Variants in SMPD3 observed in about 807,000 individuals in gnomAD.
The protein encoded by SMPD3 is nSMase-2.
A neutral mutation model predicts 55.7 loss-of-function variants in SMPD3; 21 were observed. The observed-to-expected ratio is 0.38, with a 90% CI of 0.27 to 0.54. SMPD3 has a LOEUF of 0.54. Ranked by LOEUF, SMPD3 falls within the 20% of genes least tolerant of loss-of-function variation. The pLI is 0.80. For missense variants in SMPD3, 842 were observed against 899.6 expected, an observed-to-expected ratio of 0.94 and a Z score of 0.82; for synonymous variants, 457 against 404.3, an observed-to-expected ratio of 1.13 and a Z score of -1.56.
At chr16:68,378,964 C>A (rs555856528) in intron 2 of SMPD3, among the ~76,000 whole-genome samples, 13 of 152,358 alleles carry the variant, frequency 8.5e-5, no homozygotes, top group African/African-American at 2.9e-4. Context: ...GCACCCAAAG[C>A]CAGCACAACC....
chr16:68,370,618 C>CA (rs5817634), intron 3 of SMPD3, among the ~76,000 whole-genome samples: 118,659 of 152,008 alleles, frequency 0.78, 47,204 homozygotes, highest in African/African-American at 0.94. Context: ...GGAACGGGCC[C>CA]AGATCACCCA....
At chr16:68,381,361 G>A (rs573446491) in intron 2 of SMPD3, among the ~76,000 whole-genome samples, 69 of 152,170 alleles carry the variant, frequency 4.5e-4, no homozygotes, top group Non-Finnish European at 7.9e-4. Flanking sequence ...CCCAACCAAG[G>A]GCTGCTGTAC....
At chr16:68,366,603 C>T (rs1317663818) in intron 3 of SMPD3, among the ~76,000 whole-genome samples, 4 of 152,268 alleles carry the variant, frequency 2.6e-5, no homozygotes, top group African/African-American at 9.6e-5. Flanking sequence ...CGGTGGCTCA[C>T]GCCTGTAATC....
intron 3 of SMPD3, chr16:68,369,535 A>G (rs959443735): frequency 6.6e-6 from 1 of 152,030 alleles, no homozygotes; most frequent in Non-Finnish European, 1.5e-5. Flanking sequence ...ACATCCTCCC[A>G]CCCTGGACCT....
intron 1 of SMPD3, among the ~76,000 whole-genome samples, chr16:68,412,267 T>C (rs2090307835): frequency 6.6e-6 from 1 of 152,200 alleles, no homozygotes; most frequent in South Asian, 2.1e-4. Flanking sequence ...GCCCAAGCCC[T>C]GTGCCAACAC....
In SMPD3 at chr16:68,404,319, C is replaced by T. The variant is rs997452008; in HGVS notation, c.-268-17660G>A. On this transcript the variant is annotated intron_variant, in intron 1 of 8. Transcript: ENST00000219334. The surrounding 1 kb of genome is among the most constrained non-coding windows in gnomAD (Gnocchi z 4.0). ...TTCTCCATGTCGGTCAGGCTGGTCT[C>T]GAACTCCCGACCTCAGGTGATCTGC... 3.3e-5 allele frequency among the ~76,000 whole-genome samples: 5 copies of T among 151,944 alleles called. No homozygotes were observed. The highest frequency in any genetic ancestry group is 3.4e-3 in the Middle Eastern group (1 of 292).
At chr16:68,394,081 A>C (rs1408079961) in intron 1 of SMPD3, among the ~76,000 whole-genome samples, 1 of 152,180 alleles carries the variant, frequency 6.6e-6, no homozygotes, top group African/African-American at 2.4e-5. Flanking sequence ...TTTCCCACAG[A>C]GTTGAATTTG....
At chr16:68,411,150 G>C (rs767652670) in intron 1 of SMPD3, among the ~76,000 whole-genome samples, 1 of 152,262 alleles carries the variant, frequency 6.6e-6, no homozygotes, top group Non-Finnish European at 1.5e-5. Context: ...GGCAAAGCAG[G>C]CCGGGGTCAG....
chr16:68,438,792 T>C (rs536633275), intron 1 of SMPD3, among the ~76,000 whole-genome samples: 1 of 152,132 alleles, frequency 6.6e-6, no homozygotes, highest in Admixed American at 6.5e-5. Context: ...CAAATCACCC[T>C]CCCTCCTTCA....
chr16:68,394,292 A>G (rs1425601526), intron 1 of SMPD3, among the ~76,000 whole-genome samples: 1 of 151,898 alleles, frequency 6.6e-6, no homozygotes, highest in Non-Finnish European at 1.5e-5. Context: ...CTTTGTCTAC[A>G]TTTTAGGTTT....
At chr16:68,369,105 T>C (rs1311307737) in intron 3 of SMPD3, 1 of 151,350 alleles carries the variant, frequency 6.6e-6, no homozygotes, top group Non-Finnish European at 1.5e-5. Flanking sequence ...TAATCCCAGC[T>C]ACTTGGGAGG....
rs1378978537 is a variant in SMPD3 at position 68,371,417 on chromosome 16, T to C, written c.765A>G (p.Pro255=). Residue 255 remains proline, a synonymous_variant, in exon 3 of 9, where the codon CCA becomes CCG. Transcript: ENST00000219334. ...CAGGCACAGGGTCGTCAGCTTCAGGTGGCCGGCCGCCCTCCTCGCCACCGA... is the reference window on the plus strand; with the variant it reads ...CAGGCACAGGGTCGTCAGCTTCAGGCGGCCGGCCGCCCTCCTCGCCACCGA... ...VRIGGEEGGR[P]PEADDPVPGG... The C allele has an allele frequency of 1.3e-6, 2 of 1,569,872 alleles. No homozygotes were observed. The highest frequency in any genetic ancestry group is 1.8e-5 in the Admixed American group (1 of 55,206).
chr16:68,370,571 A>T (rs2089631448), intron 3 of SMPD3, among the ~76,000 whole-genome samples: 1 of 150,364 alleles, frequency 6.7e-6, no homozygotes, highest in Admixed American at 6.6e-5. Context: ...CCCTCTCTCC[A>T]CTTTACAGTT....
At chr16:68,370,701 C>T (rs569111497) in intron 3 of SMPD3, among the ~76,000 whole-genome samples, 158 bp downstream of exon 3, 2 of 152,294 alleles carry the variant, frequency 1.3e-5, no homozygotes, top group East Asian at 1.9e-4. Flanking sequence ...CGAGCCAGGG[C>T]CCTGCTGTTT....
At chr16:68,397,773 C>T (rs185480960) in intron 1 of SMPD3, among the ~76,000 whole-genome samples, 11 of 152,196 alleles carry the variant, frequency 7.2e-5, no homozygotes, top group African/African-American at 1.4e-4. Context: ...TTTGCGGGGG[C>T]GGGGGGTGGT....
At chr16:68,423,401 G>T (rs2090411662) in intron 1 of SMPD3, among the ~76,000 whole-genome samples, 1 of 152,146 alleles carries the variant, frequency 6.6e-6, no homozygotes, top group African/African-American at 2.4e-5. Flanking sequence ...GATTAGTTAA[G>T]GTAGTTAGGG....
chr16:68,392,662 G>C (rs1392783586), intron 1 of SMPD3, among the ~76,000 whole-genome samples: 4 of 151,964 alleles, frequency 2.6e-5, no homozygotes, highest in Non-Finnish European at 5.9e-5. Context: ...AAGAGTTAGA[G>C]ACCAGCCTGG....
Position 68,364,644 on chromosome 16 carries a change from C to T in SMPD3, c.1555+107G>A, listed in dbSNP as rs992281954. ...GCTAAATACCCCGCCCACATGCTCT[C>T]GAGGAGCAGGAATTCTTTGAGCTGC... On this transcript the variant is annotated intron_variant, in intron 5 of 8. Transcript: ENST00000219334. The T allele has an allele frequency of 1.3e-5, 17 of 1,292,154 alleles. No individual in the cohort carries two copies. In the Admixed American group the frequency reaches 1.3e-4, roughly 10 times the overall value. 80.0% of individuals were successfully genotyped at this position (1,292,154 alleles called of 1,614,324 possible). A position where few individuals can be genotyped will look rare whatever the true frequency, so the allele number is the denominator to read the frequency against.
chr16:68,406,011 C>G (rs2152015143), intron 1 of SMPD3, among the ~76,000 whole-genome samples: 1 of 152,254 alleles, frequency 6.6e-6, no homozygotes, highest in East Asian at 1.9e-4. Context: ...TCTGAGGCAC[C>G]CTTAGCCCTC....
Sources: gnomAD v4.1 joint callset for allele counts (sites outside exome capture counted in the v4.1 genomes callset) on GRCh38, gnomAD v4.1.1 for gene constraint, Gnocchi (gnomAD v3.1) non-coding constraint, MANE v1.5 for transcripts, NCBI Gene and HGNC (gene_info 2026-07-23, HGNC 2026-07-21) for gene names.